Variants in SYT9 observed in about 807,000 individuals in gnomAD.
SYT9 encodes synaptotagmin 9.
Under a neutral mutation model 48.4 loss-of-function variants are expected in SYT9, and 22 were observed. The observed-to-expected ratio is 0.45, with a 90% CI of 0.32 to 0.65. The LOEUF is 0.65. Ranked by LOEUF, SYT9 falls within the 30% of genes least tolerant of loss-of-function variation. The pLI, the probability that SYT9 is intolerant of heterozygous loss-of-function variation, is 0.03. For missense variants in SYT9, 577 were observed against 622.0 expected (o/e 0.93, Z 0.77); for synonymous variants, 265 against 245.0 (o/e 1.08, Z -0.76).
At chr11:7,291,720 C>T (rs1258003390) in intron 1 of SYT9, among the ~76,000 whole-genome samples, 2 of 152,110 alleles carry the variant, frequency 1.3e-5, no homozygotes, top group East Asian at 1.9e-4. Flanking sequence ...TCGTGTAACT[C>T]TCTTCATGCC....
At chr11:7,319,333 A>C (rs1234463757) in intron 3 of SYT9, among the ~76,000 whole-genome samples, 1 of 151,752 alleles carries the variant, frequency 6.6e-6, no homozygotes, top group African/African-American at 2.4e-5. Context: ...TTATTCTTAA[A>C]AGATTGTCTG....
intron 1 of SYT9, among the ~76,000 whole-genome samples, chr11:7,258,347 G>C (rs1276214292): frequency 3.3e-5 from 5 of 152,144 alleles, no homozygotes; most frequent in South Asian, 2.1e-4. Context: ...TTGTGGAGAA[G>C]TTTTCAGTTT....
At chr11:7,388,923 G>A (rs914380914) in intron 3 of SYT9, among the ~76,000 whole-genome samples, 1 of 152,108 alleles carries the variant, frequency 6.6e-6, no homozygotes. Flanking sequence ...ATGTGTGGTG[G>A]TTGGGTTCAC....
chr11:7,377,306 A>G (rs1850472398), intron 3 of SYT9, among the ~76,000 whole-genome samples: 1 of 152,006 alleles, frequency 6.6e-6, no homozygotes, highest in Non-Finnish European at 1.5e-5. Context: ...TTAACTAGAA[A>G]GAGAGTGAGA....
chr11:7,304,830 A>G (rs1228976237), intron 2 of SYT9, among the ~76,000 whole-genome samples: 1 of 152,234 alleles, frequency 6.6e-6, no homozygotes, highest in Admixed American at 6.5e-5. Context: ...CAGACTTATA[A>G]TAAAATCCTT....
chr11:7,394,003 C>T (rs978494268), intron 3 of SYT9, among the ~76,000 whole-genome samples: 1 of 150,524 alleles, frequency 6.6e-6, no homozygotes, highest in African/African-American at 2.4e-5. Context: ...GGTACATGTG[C>T]ACAACGTGCA....
intron 3 of SYT9, among the ~76,000 whole-genome samples, chr11:7,322,035 A>G (rs1849347345): frequency 6.6e-6 from 1 of 152,072 alleles, no homozygotes; most frequent in Admixed American, 6.6e-5. Context: ...GTATGATTTT[A>G]AGGTTGTGTT....
Position 7,466,953 on chromosome 11 carries a change from T to G in SYT9, c.*153T>G, listed in dbSNP as rs1339805242. 5 of 977,848 alleles carry G rather than the reference T, an allele frequency of 5.1e-6. No homozygotes were observed. The highest frequency in any genetic ancestry group is 7.8e-6 in the Non-Finnish European group (5 of 643,684). 60.6% of individuals were successfully genotyped at this position (977,848 alleles called of 1,614,324 possible). On this transcript the variant is annotated 3_prime_UTR_variant, in exon 7 of 7. Transcript: ENST00000318881. ...AGCACTAACTGGCCTTCTTTCCAGA[T>G]TGGGTTTGGTGAACCTGAATGGTCC...
At chr11:7,247,524 C>CATATATCACGTAT (rs1847805581), upstream of SYT9, among the ~76,000 whole-genome samples, 1 of 145,720 alleles carries the variant, frequency 6.9e-6, no homozygotes, top group Admixed American at 7.0e-5. Context: ...TATATACACA[C>CATATATCACGTAT]ATATATACAT....
At chr11:7,344,272 G>A (rs1156516573) in intron 3 of SYT9, among the ~76,000 whole-genome samples, 1 of 151,766 alleles carries the variant, frequency 6.6e-6, no homozygotes, top group Non-Finnish European at 1.5e-5. Context: ...TTATTGAGTT[G>A]TGAGAGCTTT....
intron 1 of SYT9, among the ~76,000 whole-genome samples, chr11:7,258,636 C>T (rs1028395443): frequency 1.3e-5 from 2 of 152,116 alleles, no homozygotes; most frequent in Non-Finnish European, 2.9e-5. Context: ...AATCTGACTG[C>T]ACTTACTACC....
At chr11:7,402,912 C>A (rs1169961255) in intron 3 of SYT9, among the ~76,000 whole-genome samples, 2 of 152,096 alleles carry the variant, frequency 1.3e-5, no homozygotes, top group African/African-American at 4.8e-5. Context: ...GGATTGAGCA[C>A]TTTTATTATT....
chr11:7,248,801 C>T (rs1163660537), upstream of SYT9, among the ~76,000 whole-genome samples: 2 of 152,128 alleles, frequency 1.3e-5, no homozygotes, highest in Admixed American at 6.5e-5. Flanking sequence ...CAAAATACCA[C>T]CATCATTCTT....
chr11:7,420,430 C>A, intron 5 of SYT9, 76 bp from the exon 6 acceptor site: 1 of 1,542,248 alleles, frequency 6.5e-7, no homozygotes, highest in Non-Finnish European at 8.9e-7. Flanking sequence ...CCAATTCCTT[C>A]ATCAGTTTAA....
At chr11:7,389,591 T>C (rs1850723981) in intron 3 of SYT9, among the ~76,000 whole-genome samples, 1 of 152,124 alleles carries the variant, frequency 6.6e-6, no homozygotes, top group Non-Finnish European at 1.5e-5. Context: ...ACATTATGAA[T>C]GTCCTACAAT....
At chr11:7,342,359 A>G (rs192681124) in intron 3 of SYT9, among the ~76,000 whole-genome samples, 7 of 152,334 alleles carry the variant, frequency 4.6e-5, no homozygotes, top group African/African-American at 1.2e-4. Flanking sequence ...CCTAGATACA[A>G]TGGAGGTACA....
chr11:7,252,995 AGACTC>A lies in SYT9; in HGVS notation c.145+666_145+670del, dbSNP rs1473945241. ...TACCGCCGGCCACGATGGGGTTCGT[AGACTC>A]GTCGGTCCTGGCTTGTGCACCTGTA... On this transcript the variant is annotated intron_variant, in intron 1 of 6. Coordinates refer to ENST00000318881, the MANE Select transcript of SYT9 (RefSeq NM_175733.4). The surrounding 1 kb of genome is among the most constrained non-coding windows in gnomAD (Gnocchi z 6.3). Among the ~76,000 whole-genome samples the A allele has an allele frequency of 6.6e-5, 10 of 152,356 alleles. No individual in the cohort carries two copies. The highest frequency in any genetic ancestry group is 6.2e-4 in the South Asian group (3 of 4,830).
chr11:7,313,163 G>A (rs2133952112), intron 2 of SYT9, among the ~76,000 whole-genome samples: 1 of 152,264 alleles, frequency 6.6e-6, no homozygotes, highest in African/African-American at 2.4e-5. Context: ...GAGGTCACAT[G>A]TTACTAGGTT....
chr11:7,464,005 G>A (rs1848282668), intron 6 of SYT9, among the ~76,000 whole-genome samples: 1 of 152,196 alleles, frequency 6.6e-6, no homozygotes, highest in Non-Finnish European at 1.5e-5. Context: ...TTGCAGCCTA[G>A]CCCTCTAAGC....
Sources: allele counts gnomAD v4.1 joint callset (sites outside exome capture counted in the v4.1 genomes callset), GRCh38; gene constraint gnomAD v4.1.1; non-coding constraint Gnocchi (gnomAD v3.1); transcripts MANE v1.5; gene names NCBI Gene and HGNC (gene_info 2026-07-23, HGNC 2026-07-21).